The following ATP8A2 variants were observed in gnomAD, a reference collection of about 807,000 sequenced individuals.
ATP8A2 encodes the protein ATPase phospholipid transporting 8A2.
Under a neutral mutation model 165.6 loss-of-function variants are expected in ATP8A2, and 100 were observed. The ratio of observed to expected loss-of-function variants is 0.60; its 90% CI spans 0.51 to 0.71. The LOEUF is 0.71. Ranked by LOEUF, ATP8A2 falls within the 30% of genes least tolerant of loss-of-function variation. The pLI is 0.00. For synonymous variants in ATP8A2, 543 were observed against 548.8 expected (o/e 0.99, Z 0.15); for missense variants, 1,227 against 1,479.5 (o/e 0.83, Z 2.80).
At chr13:25,594,270 T>C (rs181206556) in intron 24 of ATP8A2, among the ~76,000 whole-genome samples, 1 of 152,348 alleles carries the variant, frequency 6.6e-6, no homozygotes, top group Non-Finnish European at 1.5e-5. Context: ...TTGATATTTG[T>C]TAGTAAAGGA....
At position 25,860,295 on chromosome 13, in the gene ATP8A2, C is replaced by T. The variant is rs1952306634; in HGVS notation, c.3018+39C>T. 2.2e-6 allele frequency: 3 copies of T among 1,372,950 alleles called. No homozygotes were observed. In the African/African-American group the frequency reaches 4.3e-5, roughly 20 times the overall value. 85.0% of individuals were successfully genotyped at this position (1,372,950 alleles called of 1,614,324 possible). On this transcript the variant is annotated intron_variant, in intron 31 of 36. Transcript: ENST00000381655. ...TGTTTATTAAGCCATTCTTAAACAG[C>T]TTATGTGTGGCTTGCACTTCTCTAA...
intron 24 of ATP8A2, among the ~76,000 whole-genome samples, chr13:25,647,780 G>T (rs2137609303): frequency 6.6e-6 from 1 of 151,776 alleles, no homozygotes; most frequent in Admixed American, 6.6e-5. Flanking sequence ...CTGCCTTCTG[G>T]GTTCAAGTGA....
At chr13:25,940,531 G>A (rs1470605423) in intron 33 of ATP8A2, among the ~76,000 whole-genome samples, 25 of 152,084 alleles carry the variant, frequency 1.6e-4, no homozygotes, top group Admixed American at 1.3e-4. Context: ...TACCGCCCCC[G>A]GTTCCCCTCC....
chr13:25,919,083 G>C (rs1384307973), intron 33 of ATP8A2, among the ~76,000 whole-genome samples: 1 of 152,202 alleles, frequency 6.6e-6, no homozygotes, highest in Non-Finnish European at 1.5e-5. Context: ...GTAATACCTG[G>C]AAAGTAAGTG....
intron 27 of ATP8A2, among the ~76,000 whole-genome samples, chr13:25,819,954 T>C (rs1005167170): frequency 6.6e-6 from 1 of 152,224 alleles, no homozygotes; most frequent in African/African-American, 2.4e-5. Flanking sequence ...AGAAACCATA[T>C]GTTAATTTAC....
At chr13:25,939,134 C>T (rs914412512) in intron 33 of ATP8A2, among the ~76,000 whole-genome samples, 4 of 152,214 alleles carry the variant, frequency 2.6e-5, no homozygotes, top group Non-Finnish European at 4.4e-5. Flanking sequence ...TGAGCCACCA[C>T]GCCAGGCCTT....
intron 35 of ATP8A2, among the ~76,000 whole-genome samples, chr13:25,986,755 C>A (rs1364491568): frequency 3.9e-5 from 6 of 152,128 alleles, no homozygotes; most frequent in Non-Finnish European, 7.4e-5. Flanking sequence ...TATGCTTATT[C>A]TCTATTTTTG....
At chr13:25,796,241 G>C (rs748185346) in intron 27 of ATP8A2, among the ~76,000 whole-genome samples, 2 of 152,154 alleles carry the variant, frequency 1.3e-5, no homozygotes, top group Non-Finnish European at 2.9e-5. Context: ...GAGCCACCGC[G>C]CCCGGCCCAT....
In ATP8A2 at chr13:26,010,812, T is replaced by C. The variant is rs377450227; in HGVS notation, c.3378-1719T>C. On this transcript the variant is annotated intron_variant, in intron 35 of 36. Transcript: ENST00000381655. ...AGGATGGAGAAAGTATTTTTCTTCC[T>C]CAGCCATGAGACGTTTTGCCAAGCT... Among the ~76,000 whole-genome samples, 17 of 152,344 alleles carry C rather than the reference T, an allele frequency of 1.1e-4. No homozygotes were observed. In the East Asian group the frequency reaches 2.7e-3, roughly 24 times the overall value.
At chr13:25,505,304 C>G (rs2037000891) in intron 2 of ATP8A2, among the ~76,000 whole-genome samples, 1 of 151,756 alleles carries the variant, frequency 6.6e-6, no homozygotes, top group Admixed American at 6.6e-5. Context: ...CTTCCAGTTT[C>G]TTTTCTCAAA....
intron 33 of ATP8A2, among the ~76,000 whole-genome samples, chr13:25,870,929 G>A (rs1454554262): frequency 6.6e-6 from 1 of 152,158 alleles, no homozygotes; most frequent in Non-Finnish European, 1.5e-5. Context: ...TTAAAGTAAA[G>A]CAGGTTTCAA....
At chr13:26,006,987 T>G (rs947017273) in intron 35 of ATP8A2, among the ~76,000 whole-genome samples, 68 of 149,844 alleles carry the variant, frequency 4.5e-4, no homozygotes, top group African/African-American at 1.6e-3. Context: ...AGAGATTCTC[T>G]CTTTAAAAAA....
chr13:25,893,399 C>G (rs1242038529), intron 33 of ATP8A2, among the ~76,000 whole-genome samples: 1 of 151,824 alleles, frequency 6.6e-6, no homozygotes, highest in African/African-American at 2.4e-5. Flanking sequence ...TTTATGGCTG[C>G]ATAGTATTCC....
At chr13:25,673,313 G>C (rs1197107880) in intron 24 of ATP8A2, among the ~76,000 whole-genome samples, 8 of 152,090 alleles carry the variant, frequency 5.3e-5, no homozygotes, top group Admixed American at 5.2e-4. Flanking sequence ...GATGATTCTT[G>C]TTTAACGCCA....
chr13:25,816,663 C>T (rs1218552005), intron 27 of ATP8A2, among the ~76,000 whole-genome samples: 1 of 152,180 alleles, frequency 6.6e-6, no homozygotes, highest in African/African-American at 2.4e-5. Context: ...TAGCACAGAG[C>T]AAAACTTGAA....
chr13:25,622,652 T>C (rs75041398), intron 24 of ATP8A2, among the ~76,000 whole-genome samples: 1,768 of 152,334 alleles, frequency 0.012, 38 homozygotes, highest in African/African-American at 0.041. Flanking sequence ...TCTGACCTCA[T>C]GTGACAGGTC....
At chr13:25,396,561 G>A (rs1339741170) in intron 1 of ATP8A2, among the ~76,000 whole-genome samples, 1 of 152,104 alleles carries the variant, frequency 6.6e-6, no homozygotes, top group African/African-American at 2.4e-5. Context: ...CTTCTGTCCT[G>A]GCTCTTACCT....
At chr13:25,948,248 C>T (rs1955263203) in intron 33 of ATP8A2, among the ~76,000 whole-genome samples, 1 of 151,912 alleles carries the variant, frequency 6.6e-6, no homozygotes, top group South Asian at 2.1e-4. Flanking sequence ...CCCCTCAAAA[C>T]TCATTCAGGA....
chr13:25,422,681 G>T (rs901100625), intron 1 of ATP8A2, among the ~76,000 whole-genome samples: 1 of 152,216 alleles, frequency 6.6e-6, no homozygotes, highest in Non-Finnish European at 1.5e-5. Context: ...AATAGGCATT[G>T]CAATGGGAAT....
Sources: allele counts gnomAD v4.1 joint callset (sites outside exome capture counted in the v4.1 genomes callset), GRCh38; gene constraint gnomAD v4.1.1; transcripts MANE v1.5; gene names NCBI Gene and HGNC (gene_info 2026-07-23, HGNC 2026-07-21).